Variants in RPGRIP1 observed in about 807,000 individuals in gnomAD.
RPGRIP1 encodes the protein X-linked retinitis pigmentosa GTPase regulator-interacting protein 1.
Under a neutral mutation model 157.9 loss-of-function variants are expected in RPGRIP1, and 128 were observed. That is an observed-to-expected ratio of 0.81 (90% CI 0.70 to 0.94). The LOEUF is 0.94. Ranked by LOEUF, RPGRIP1 falls within the 40% of genes least tolerant of loss-of-function variation. The probability of loss-of-function intolerance (pLI) is 0.00; values close to 1 mark genes in which losing one functional copy is unlikely to be tolerated. For synonymous variants in RPGRIP1, 554 were observed against 571.6 expected (o/e 0.97, Z 0.44); for missense variants, 1,486 against 1,545.8 (o/e 0.96, Z 0.65).
At chr14:21,290,608 G>A (rs143360793) in intron 2 of RPGRIP1, among the ~76,000 whole-genome samples, 235 of 152,080 alleles carry the variant, frequency 1.5e-3, no homozygotes, top group African/African-American at 3.8e-3. Flanking sequence ...TCAGGAGATC[G>A]AGACCATCCT....
At chr14:21,342,824 T>TATA in intron 21 of RPGRIP1, among the ~76,000 whole-genome samples, 1 of 152,190 alleles carries the variant, frequency 6.6e-6, no homozygotes, top group East Asian at 1.9e-4. Flanking sequence ...GGGTTCTCTT[T>TATA]ATAAATTTCC....
At chr14:21,342,121 C>G (rs1013921052) in intron 21 of RPGRIP1, among the ~76,000 whole-genome samples, 1 of 151,790 alleles carries the variant, frequency 6.6e-6, no homozygotes, top group African/African-American at 2.4e-5. Context: ...GTGGCATGCA[C>G]TTGAGTGGGC....
intron 10 of RPGRIP1, 130 bp from the exon 11 acceptor site, chr14:21,317,566 G>T (rs1594191185): frequency 6.5e-7 from 1 of 1,533,964 alleles, no homozygotes; most frequent in Non-Finnish European, 8.8e-7. Context: ...TATGAATAAA[G>T]CAAGGGCAGA....
chr14:21,349,911 A>G (rs557579920), intron 24 of RPGRIP1, among the ~76,000 whole-genome samples: 1 of 152,184 alleles, frequency 6.6e-6, no homozygotes, highest in East Asian at 1.9e-4. Flanking sequence ...ATTACCTTAC[A>G]TAGCTGGGAT....
At chr14:21,330,708 TTTAA>T (rs1187790645) in intron 20 of RPGRIP1, among the ~76,000 whole-genome samples, 5 of 152,076 alleles carry the variant, frequency 3.3e-5, no homozygotes. Flanking sequence ...TGTTTAATCA[TTTAA>T]TTGTTTTGCC....
At chr14:21,286,788 C>T (rs1019405939) in intron 1 of RPGRIP1, among the ~76,000 whole-genome samples, 4 of 151,960 alleles carry the variant, frequency 2.6e-5, no homozygotes, top group Admixed American at 6.6e-5. Context: ...AAGCAAAAAA[C>T]AGAAAACAAA....
At chr14:21,317,996 C>T (rs1297133872) in intron 11 of RPGRIP1, 146 bp downstream of exon 11, 1 of 715,704 alleles carries the variant, frequency 1.4e-6, no homozygotes, top group Admixed American at 2.1e-5. Flanking sequence ...AGAACACTAG[C>T]AATAGATCAG....
At chr14:21,312,082 C>A in intron 9 of RPGRIP1, 112 bp downstream of exon 9, 2 of 972,222 alleles carry the variant, frequency 2.1e-6, no homozygotes, top group Non-Finnish European at 3.1e-6. Context: ...AAAAACGAAG[C>A]TCCGAGTAGT....
At position 21,312,463 on chromosome 14, in the gene RPGRIP1, G is replaced by T; in HGVS notation, c.1108G>T (p.Glu370Ter). 1 of 1,611,696 alleles carries T rather than the reference G, an allele frequency of 6.2e-7. No individual in the cohort carries two copies. Among genetic ancestry groups the T allele is most frequent in the Non-Finnish European group, 8.5e-7 (1 of 1,178,700 alleles). Reference protein sequence around the residue: ...FQERVEDLEKERKLLNDNYDK... With the variant: ...FQERVEDLEK ...GGAGAGAGTTGAAGATTTGGAAAAAGAACGAAAATTGCTGAATGACAATTA... is the reference window on the plus strand; with the variant it reads ...GGAGAGAGTTGAAGATTTGGAAAAATAACGAAAATTGCTGAATGACAATTA... The change falls in exon 10 of 25, where the codon GAA (glutamate) becomes TAA (stop). Residue 370 changes from glutamate (E) to a stop codon, truncating the protein, a stop_gained. Coordinates refer to ENST00000400017, the MANE Select transcript of RPGRIP1 (RefSeq NM_020366.4). LOFTEE classifies it high-confidence loss of function.
rs1382761019 is a variant in RPGRIP1, at chr14:21,307,809, A to C, written c.879A>C (p.Thr293=). 6.4e-7 allele frequency: 1 copy of C among 1,564,340 alleles called. No homozygotes were observed. ...AAAGAAATGCTTCATTGGTTATGAC[A>C]AAAGCACAATTAACAGAAGTTCAAG... ...LHERNASLVM[T]KAQLTEVQEA... The change falls in exon 7 of 25, where the codon ACA becomes ACC. Residue 293 remains threonine, a synonymous_variant. Transcript: ENST00000400017.
chr14:21,301,250 G>A lies in RPGRIP1; in HGVS notation c.490+13G>A. 6.4e-7 allele frequency: 1 copy of A among 1,574,758 alleles called. No homozygotes were observed. Reference sequence around the variant, plus strand: ...AAACCCAAGAGGGGTGAGATTTAAGGCTACATCCCCTACAGGGCTAAGACA... The same window carrying A: ...AAACCCAAGAGGGGTGAGATTTAAGACTACATCCCCTACAGGGCTAAGACA... On this transcript the variant is annotated intron_variant, in intron 4 of 24. Transcript: ENST00000400017.
At chr14:21,329,913 T>A (rs1224657836) in intron 19 of RPGRIP1, among the ~76,000 whole-genome samples, 1 of 149,944 alleles carries the variant, frequency 6.7e-6, no homozygotes, top group Non-Finnish European at 1.5e-5. Flanking sequence ...AGGTCAGGAG[T>A]TCGAGACCAG....
intron 2 of RPGRIP1, among the ~76,000 whole-genome samples, chr14:21,293,666 C>T (rs1271308679): frequency 1.3e-5 from 2 of 152,072 alleles, no homozygotes; most frequent in Non-Finnish European, 2.9e-5. Context: ...ATCACAAGGT[C>T]AAGAGATCGA....
At chr14:21,334,356 T>G (rs935575239) in intron 20 of RPGRIP1, among the ~76,000 whole-genome samples, 7 of 152,100 alleles carry the variant, frequency 4.6e-5, no homozygotes, top group African/African-American at 1.7e-4. Flanking sequence ...CTTCCTGTCT[T>G]CCTTCCTTTC....
Position 21,312,454 on chromosome 14 carries a change from T to G in RPGRIP1, c.1099T>G (p.Leu367Val), listed in dbSNP as rs766608701. ...TTAGTTTCAGGAGAGAGTTGAAGATTTGGAAAAAGAACGAAAATTGCTGAA... is the reference window on the plus strand; with the variant it reads ...TTAGTTTCAGGAGAGAGTTGAAGATGTGGAAAAAGAACGAAAATTGCTGAA... ...LKEFQERVED[L>V]EKERKLLNDN... is the part of the protein sequence containing the mutation. The change falls in exon 10 of 25, where the codon TTG becomes GTG. Residue 367 changes from leucine (L) to valine (V), a missense_variant. Physicochemically the swap from Leu to Val is conservative, Grantham distance 32 (BLOSUM62 1). Coordinates refer to ENST00000400017, the MANE Select transcript of RPGRIP1 (RefSeq NM_020366.4). 6.2e-7 allele frequency: 1 copy of G among 1,610,628 alleles called. No homozygotes were observed. Among genetic ancestry groups the G allele is most frequent in the South Asian group, 1.1e-5 (1 of 90,552 alleles).
intron 6 of RPGRIP1, among the ~76,000 whole-genome samples, chr14:21,306,949 T>G (rs1317571264): frequency 4.0e-5 from 6 of 151,322 alleles, no homozygotes; most frequent in Admixed American, 4.0e-4. Context: ...CTAATTTTTG[T>G]ATTTTTAGTA....
intron 1 of RPGRIP1, among the ~76,000 whole-genome samples, chr14:21,283,605 T>C (rs576640411): frequency 6.6e-6 from 1 of 150,974 alleles, no homozygotes; most frequent in African/African-American, 2.4e-5. Context: ...CCAGCCCCTA[T>C]ATATGGTACT....
intron 20 of RPGRIP1, among the ~76,000 whole-genome samples, chr14:21,334,396 C>CT: frequency 6.6e-6 from 1 of 151,654 alleles, no homozygotes; most frequent in Non-Finnish European, 1.5e-5. Context: ...CTTTCCCTTT[C>CT]TTTTTTTGAG....
In RPGRIP1 at chr14:21,303,416, C is replaced by G; in HGVS notation, c.673C>G (p.His225Asp). The change falls in exon 6 of 25, where the codon CAC becomes GAC. Residue 225 changes from histidine (H) to aspartate (D), a missense_variant. Physicochemically the swap from His to Asp is moderately conservative, Grantham distance 81 (BLOSUM62 -1). Transcript: ENST00000400017. ...PIGLCMPNSA[H>D]IMASNTMQVE... ...TGGTCTATGCATGCCTAACAGTGCC[C>G]ACATCATGGCCAGCAATACCATGCA... 3 of 1,613,762 alleles carry G rather than the reference C, an allele frequency of 1.9e-6. No individual in the cohort carries two copies. Among genetic ancestry groups the G allele is most frequent in the Non-Finnish European group, 2.5e-6 (3 of 1,179,786 alleles).
Sources: gnomAD v4.1 joint callset for allele counts (sites outside exome capture counted in the v4.1 genomes callset) on GRCh38, gnomAD v4.1.1 for gene constraint, MANE v1.5 for transcripts, NCBI Gene and HGNC (gene_info 2026-07-23, HGNC 2026-07-21) for gene names.